MGAT4C: variants seen among roughly 807,000 people sequenced by gnomAD.
MGAT4C encodes alpha-1,3-mannosyl-glycoprotein 4-beta-N-acetylglucosaminyltransferase C.
A neutral mutation model predicts 40.1 loss-of-function variants in MGAT4C; 19 were observed. That is an observed-to-expected ratio of 0.47 (90% confidence interval 0.33 to 0.70). MGAT4C has a LOEUF of 0.70. Ranked by LOEUF, MGAT4C falls within the 30% of genes least tolerant of loss-of-function variation. The pLI, the probability that MGAT4C is intolerant of heterozygous loss-of-function variation, is 0.02. For synonymous variants in MGAT4C, 181 were observed against 187.1 expected (o/e 0.97, Z 0.27); for missense variants, 491 against 563.2 (o/e 0.87, Z 1.30).
At chr12:86,415,751 G>T (rs1956697844) in intron 3 of MGAT4C, among the ~76,000 whole-genome samples, 1 of 151,948 alleles carries the variant, frequency 6.6e-6, no homozygotes, top group South Asian at 2.1e-4. Context: ...CTCTAAGAAA[G>T]AACATTTGGA....
chr12:86,629,288 C>G (rs929866643), intron 2 of MGAT4C, among the ~76,000 whole-genome samples: 3 of 152,028 alleles, frequency 2.0e-5, no homozygotes, highest in African/African-American at 7.2e-5. Flanking sequence ...ACTTAGACTC[C>G]CACAAAATAG....
chr12:86,217,623 T>C (rs1950722126), intron 1 of MGAT4C, among the ~76,000 whole-genome samples: 1 of 152,208 alleles, frequency 6.6e-6, no homozygotes, highest in Non-Finnish European at 1.5e-5. Context: ...TGCTTCCCAC[T>C]GTTCACTGGA....
chr12:86,032,368 A>C (rs983267799), intron 2 of MGAT4C, among the ~76,000 whole-genome samples: 1 of 131,594 alleles, frequency 7.6e-6, no homozygotes, highest in African/African-American at 2.5e-5. Context: ...GAACTAATTT[A>C]CATTCCTACC....
Position 86,040,373 on chromosome 12 carries a change from G to A in MGAT4C, c.-7+9301C>T, listed in dbSNP as rs117328871. Among the ~76,000 whole-genome samples, 1,112 of 152,306 alleles carry A rather than the reference G, an allele frequency of 7.3e-3. 9 individuals are homozygous for A. Among genetic ancestry groups the A allele is most frequent in the Non-Finnish European group, 0.011 (751 of 68,020 alleles). On this transcript the variant is annotated intron_variant, in intron 2 of 4. Coordinates refer to ENST00000611864, the MANE Select transcript of MGAT4C (RefSeq NM_001351288.2). ...AGGTGCTCTGTCCCAGGGAGGTGGG[G>A]CTTTTATCTGTAAGTCCCTGACTGG... is the stretch of plus-strand genomic sequence containing the variant.
chr12:86,774,315 C>CTTTCTTTCTTTCTTTATTTCT (rs1555227764), intron 1 of MGAT4C, among the ~76,000 whole-genome samples: 2 of 59,328 alleles, frequency 3.4e-5, no homozygotes, highest in African/African-American at 1.1e-4. Context: ...TTCTTTCTTT[C>CTTTCTTTCTTTCTTTATTTCT]TTTCTTTCTT....
At chr12:86,440,503 C>T (rs1343047402) in intron 2 of MGAT4C, among the ~76,000 whole-genome samples, 1 of 152,046 alleles carries the variant, frequency 6.6e-6, no homozygotes, top group Non-Finnish European at 1.5e-5. Flanking sequence ...ACATGTATGA[C>T]AAACCCACAG....
At chr12:86,736,676 A>G (rs1950989973) in intron 1 of MGAT4C, among the ~76,000 whole-genome samples, 1 of 151,766 alleles carries the variant, frequency 6.6e-6, no homozygotes. Context: ...GTACCTATAT[A>G]GAAGTCTTCT....
intron 2 of MGAT4C, among the ~76,000 whole-genome samples, chr12:86,706,168 G>T (rs556459848): frequency 6.6e-6 from 1 of 152,212 alleles, no homozygotes; most frequent in East Asian, 1.9e-4. Context: ...GACAAGGATA[G>T]ATACAGAAGG....
At chr12:86,204,733 C>G (rs551169886) in intron 1 of MGAT4C, among the ~76,000 whole-genome samples, 1 of 152,096 alleles carries the variant, frequency 6.6e-6, no homozygotes, top group Admixed American at 6.5e-5. Context: ...TGGGTCCCTA[C>G]AGGAAAGATG....
chr12:86,192,439 C>T (rs529665468), intron 1 of MGAT4C, among the ~76,000 whole-genome samples: 1 of 152,184 alleles, frequency 6.6e-6, no homozygotes, highest in Non-Finnish European at 1.5e-5. Context: ...GAGGACATTA[C>T]AGCTGCCTTC....
chr12:86,522,652 G>A (rs757803155), intron 2 of MGAT4C, among the ~76,000 whole-genome samples: 10 of 152,028 alleles, frequency 6.6e-5, no homozygotes, highest in Admixed American at 1.3e-4. Flanking sequence ...CAATTTTTTG[G>A]AATAGTTTCA....
chr12:85,983,663 T>A lies in MGAT4C; in HGVS notation c.155A>T (p.Asp52Val). The A allele has an allele frequency of 6.4e-7, 1 of 1,571,866 alleles. No homozygotes were observed. The highest frequency in any genetic ancestry group is 8.6e-7 in the Non-Finnish European group (1 of 1,162,058). Reference protein sequence around the residue: ...YIEDSYVLEGDKQLIRETSTH... With the variant: ...YIEDSYVLEGVKQLIRETSTH... ...GGATGTTTCCCTTATAAGTTGTTTG[T>A]CTCCTTCCTAAATACCAAGAAAGAA... is the stretch of plus-strand genomic sequence containing the variant. The change falls in exon 4 of 5, where the codon GAC becomes GTC. Residue 52 changes from aspartate (D) to valine (V), a missense_variant. Asp to Val is a radical substitution (Grantham distance 152, BLOSUM62 -3). Transcript: ENST00000611864.
intron 1 of MGAT4C, among the ~76,000 whole-genome samples, chr12:86,809,780 T>C (rs1261098846): frequency 1.3e-5 from 2 of 152,032 alleles, no homozygotes; most frequent in Non-Finnish European, 2.9e-5. Flanking sequence ...TTGCCAGATA[T>C]GAGTTTGGCA....
intron 2 of MGAT4C, among the ~76,000 whole-genome samples, chr12:86,697,321 T>C (rs1430583320): frequency 1.3e-5 from 2 of 152,110 alleles, no homozygotes; most frequent in East Asian, 3.9e-4. Flanking sequence ...ATGCTGAGTG[T>C]TTCTGCAATC....
intron 1 of MGAT4C, among the ~76,000 whole-genome samples, chr12:86,094,961 G>A (rs562672576): frequency 6.6e-6 from 1 of 152,222 alleles, no homozygotes; most frequent in African/African-American, 2.4e-5. Flanking sequence ...CATTCACTCA[G>A]CAAAAGCTGT....
chr12:86,074,966 A>G (rs1869392700), intron 1 of MGAT4C, among the ~76,000 whole-genome samples: 1 of 152,144 alleles, frequency 6.6e-6, no homozygotes, highest in South Asian at 2.1e-4. Context: ...CAGCCAAACC[A>G]TATCGTTGTG....
intron 1 of MGAT4C, among the ~76,000 whole-genome samples, chr12:86,202,941 A>G (rs1042304068): frequency 1.3e-5 from 2 of 151,912 alleles, no homozygotes; most frequent in Admixed American, 6.6e-5. Context: ...CCTTTTTGTT[A>G]ACTCAAAATC....
intron 1 of MGAT4C, among the ~76,000 whole-genome samples, chr12:86,787,549 T>C (rs1209396290): frequency 6.6e-6 from 1 of 151,586 alleles, no homozygotes; most frequent in Non-Finnish European, 1.5e-5. Flanking sequence ...ATCAGGTACA[T>C]GCAAATTAAA....
chr12:86,264,752 C>A (rs1428323804), intron 4 of MGAT4C, among the ~76,000 whole-genome samples: 1 of 151,102 alleles, frequency 6.6e-6, no homozygotes, highest in Non-Finnish European at 1.5e-5. Flanking sequence ...CTTGCCCCAG[C>A]AGGCTCAGAA....
Sources: allele counts gnomAD v4.1 joint callset (sites outside exome capture counted in the v4.1 genomes callset), GRCh38; gene constraint gnomAD v4.1.1; transcripts MANE v1.5; gene names NCBI Gene and HGNC (gene_info 2026-07-23, HGNC 2026-07-21).